FNDC1: variants seen among roughly 807,000 people sequenced by gnomAD.
FNDC1 encodes the protein fibronectin type III domain containing 1, also known as fibronectin type III domain-containing protein 1.
Under a neutral mutation model 168.0 loss-of-function variants are expected in FNDC1, and 96 were observed. That is an observed-to-expected ratio of 0.57 (90% CI 0.48 to 0.68). FNDC1 has a LOEUF of 0.68. Ranked by LOEUF, FNDC1 falls within the 30% of genes least tolerant of loss-of-function variation. FNDC1 has a pLI of 0.00. For missense variants in FNDC1, 2,587 were observed against 2,482.1 expected (o/e 1.04, Z -0.90); for synonymous variants, 1,099 against 1,025.9 (o/e 1.07, Z -1.36).
intron 14 of FNDC1, among the ~76,000 whole-genome samples, chr6:159,240,431 A>G (rs549578714): frequency 5.9e-5 from 9 of 152,336 alleles, no homozygotes; most frequent in East Asian, 3.9e-4. Context: ...TACTGTTGTA[A>G]TACTTAGATC....
At chr6:159,236,039 G>C (rs1032171438) in intron 11 of FNDC1, among the ~76,000 whole-genome samples, 176 bp from the exon 12 acceptor site, 1 of 152,184 alleles carries the variant, frequency 6.6e-6, no homozygotes, top group African/African-American at 2.4e-5. Context: ...ATCTGTTGTG[G>C]AGAAGTCATA....
At chr6:159,219,419 T>C (rs1583880843) in intron 5 of FNDC1, among the ~76,000 whole-genome samples, 1 of 152,164 alleles carries the variant, frequency 6.6e-6, no homozygotes, top group East Asian at 1.9e-4. Flanking sequence ...CATATCTCTA[T>C]GAGGAAGAGA....
At chr6:159,268,688 A>AATCTG (rs1554229735) in intron 22 of FNDC1, among the ~76,000 whole-genome samples, 3 of 148,236 alleles carry the variant, frequency 2.0e-5, no homozygotes, top group African/African-American at 7.5e-5. Flanking sequence ...CCATCTATCT[A>AATCTG]TCCATCCATC....
chr6:159,169,623 G>A lies in FNDC1; in HGVS notation c.27G>A (p.Leu9=). Residue 9 remains leucine, a synonymous_variant, in exon 1 of 23, where the codon CTG becomes CTA. Transcript: ENST00000297267. The surrounding 1 kb of genome is among the most constrained non-coding windows in gnomAD (Gnocchi z 6.8). The stretch of plus-strand genomic sequence containing the variant: ...TGGCCCCCGAGGCCGGGGCGACCCT[G>A]CGCGCGCCGCGCCGGCTGTCCTGGG... MAPEAGAT[L]RAPRRLSWAA... is the part of the protein sequence containing the mutation. The A allele has an allele frequency of 8.8e-7, 1 of 1,137,484 alleles. No homozygotes were observed. Among genetic ancestry groups the A allele is most frequent in the Non-Finnish European group, 1.1e-6 (1 of 928,526 alleles). 70.5% of individuals were successfully genotyped at this position (1,137,484 alleles called of 1,614,324 possible).
chr6:159,170,526 A>C (rs295330), intron 1 of FNDC1, among the ~76,000 whole-genome samples: 135,541 of 152,234 alleles, frequency 0.89, 60,448 homozygotes, highest in East Asian at 1. Flanking sequence ...GGCCCTTGTT[A>C]CCACCTCCTT....
In FNDC1 at chr6:159,225,524, T is replaced by A. The variant is rs748533835; in HGVS notation, c.885-11T>A. The A allele has an allele frequency of 1.3e-6, 2 of 1,591,376 alleles. No individual in the cohort carries two copies. Among genetic ancestry groups the A allele is most frequent in the East Asian group, 4.5e-5 (2 of 44,410 alleles). On this transcript the variant is annotated splice_polypyrimidine_tract_variant and intron_variant, in intron 7 of 22. Coordinates refer to ENST00000297267, the MANE Select transcript of FNDC1 (RefSeq NM_032532.3). ...AATTTGGACAGATCATTGTGTTGTG[T>A]TTTCTTACAGACAGTACACCGTGCG...
At chr6:159,262,774 T>C (rs548463758) in intron 19 of FNDC1, among the ~76,000 whole-genome samples, 22 of 152,176 alleles carry the variant, frequency 1.4e-4, no homozygotes, top group South Asian at 1.2e-3. Context: ...CTCCAAGGGA[T>C]GGGTGAGGAA....
rs563110297 is a variant in FNDC1 at position 159,227,234 on chromosome 6, A to C, written c.1180+654A>C. ...GTAAAAGCGTTTAAGAACCTCTCAG[A>C]ATCTGTTTGGAGACATTTTAAAGAG... On this transcript the variant is annotated intron_variant, in intron 9 of 22. Transcript: ENST00000297267. Among the ~76,000 whole-genome samples the C allele has an allele frequency of 2.0e-5, 3 of 152,346 alleles. No individual in the cohort carries two copies. In the East Asian group the frequency reaches 5.8e-4, roughly 29 times the overall value.
intron 8 of FNDC1, among the ~76,000 whole-genome samples, 161 bp from the exon 9 acceptor site, chr6:159,226,312 A>G (rs981139440): frequency 7.9e-5 from 12 of 152,222 alleles, no homozygotes; most frequent in African/African-American, 2.4e-4. Context: ...AAATCACTAT[A>G]TTACACAAAG....
chr6:159,179,480 C>T (rs1314526133), intron 1 of FNDC1, among the ~76,000 whole-genome samples: 1 of 152,088 alleles, frequency 6.6e-6, no homozygotes, highest in African/African-American at 2.4e-5. Flanking sequence ...AAAACAAAAA[C>T]AATCTATGGG....
chr6:159,174,813 T>G (rs978929383), intron 1 of FNDC1, among the ~76,000 whole-genome samples: 1 of 152,196 alleles, frequency 6.6e-6, no homozygotes, highest in Non-Finnish European at 1.5e-5. Flanking sequence ...ATGCAGCAGC[T>G]GGAAGATGGG....
In FNDC1 at chr6:159,197,583, A is replaced by T; in HGVS notation, c.262A>T (p.Lys88Ter). Residue 88 changes from lysine (K) to a stop codon, truncating the protein, a stop_gained, in exon 2 of 23, where the codon AAG becomes TAG. Transcript: ENST00000297267. LOFTEE classifies it high-confidence loss of function. ...GTCACTGAAAAGTCTTAAATACATC[A>T]AGGTGAATGCGGAGACATACTCCTT... Reference protein sequence around the residue: ...GKSLKSLKYIKVNAETYSFLI... With the variant: ...GKSLKSLKYI 1.2e-6 allele frequency: 2 copies of T among 1,613,744 alleles called. No homozygotes were observed. Among genetic ancestry groups the T allele is most frequent in the South Asian group, 2.2e-5 (2 of 90,998 alleles).
chr6:159,184,475 C>T (rs1277785152), intron 1 of FNDC1, among the ~76,000 whole-genome samples: 1 of 152,046 alleles, frequency 6.6e-6, no homozygotes, highest in Non-Finnish European at 1.5e-5. Context: ...GTTTTATTAT[C>T]TGAAATGTTT....
intron 5 of FNDC1, among the ~76,000 whole-genome samples, chr6:159,215,859 T>C (rs1481359603): frequency 6.6e-6 from 1 of 152,236 alleles, no homozygotes; most frequent in Non-Finnish European, 1.5e-5. Context: ...TTGATTAGAT[T>C]GTGCCCACCC....
intron 1 of FNDC1, among the ~76,000 whole-genome samples, chr6:159,179,115 G>A (rs891360417): frequency 1.3e-5 from 2 of 152,234 alleles, no homozygotes; most frequent in Admixed American, 1.3e-4. Flanking sequence ...TCCAGCCTTA[G>A]GGCTTTTGCG....
At chr6:159,259,508 G>T (rs1230283653) in intron 18 of FNDC1, among the ~76,000 whole-genome samples, 1 of 152,158 alleles carries the variant, frequency 6.6e-6, no homozygotes, top group Non-Finnish European at 1.5e-5. Flanking sequence ...TGGCATAGAG[G>T]CACTTCCCTC....
At position 159,200,502 on chromosome 6, in the gene FNDC1, C is replaced by G; in HGVS notation, c.392-11C>G. The G allele has an allele frequency of 6.3e-7, 1 of 1,590,832 alleles. No individual in the cohort carries two copies. The highest frequency in any genetic ancestry group is 8.6e-7 in the Non-Finnish European group (1 of 1,167,016). ...CGTTTCTAACTATCAAGTTGCATTT[C>G]CCTAATTTAGGAGGTGAATGGATCG... is the stretch of plus-strand genomic sequence containing the variant. On this transcript the variant is annotated splice_polypyrimidine_tract_variant and intron_variant, in intron 3 of 22. Transcript: ENST00000297267.
chr6:159,224,058 G>A (rs1248555632), intron 7 of FNDC1, among the ~76,000 whole-genome samples: 2 of 152,186 alleles, frequency 1.3e-5, no homozygotes, highest in Non-Finnish European at 2.9e-5. Context: ...CTGTTAGATG[G>A]ACTTTATGTA....
intron 4 of FNDC1, among the ~76,000 whole-genome samples, chr6:159,214,683 T>A (rs964279939): frequency 2.0e-5 from 3 of 152,240 alleles, no homozygotes; most frequent in Non-Finnish European, 4.4e-5. Flanking sequence ...CATCCAAGAT[T>A]TCTGGCGGGC....
Sources: allele counts gnomAD v4.1 joint callset (sites outside exome capture counted in the v4.1 genomes callset), GRCh38; gene constraint gnomAD v4.1.1; non-coding constraint Gnocchi (gnomAD v3.1); transcripts MANE v1.5; gene names NCBI Gene and HGNC (gene_info 2026-07-23, HGNC 2026-07-21).